The following SGMS1 variants were observed in gnomAD, a reference collection of about 807,000 sequenced individuals.
The protein encoded by SGMS1 is phosphatidylcholine:ceramide cholinephosphotransferase 1.
A neutral mutation model predicts 46.2 loss-of-function variants in SGMS1; 13 were observed. The ratio of observed to expected loss-of-function variants is 0.28; its 90% CI spans 0.18 to 0.45. The LOEUF (loss-of-function observed/expected upper bound fraction) is 0.45, where lower values mean the gene tolerates loss of function less well. Among genes scored for constraint, SGMS1 ranks in the 20% least tolerant of loss-of-function variants. The probability of loss-of-function intolerance (pLI) is 1.00; values close to 1 mark genes in which losing one functional copy is unlikely to be tolerated. For missense variants in SGMS1, 324 were observed against 519.9 expected, an observed-to-expected ratio of 0.62 and a Z score of 3.66; for synonymous variants, 203 against 187.8, an observed-to-expected ratio of 1.08 and a Z score of -0.66.
intron 6 of SGMS1, among the ~76,000 whole-genome samples, chr10:50,374,276 C>T (rs186820084): frequency 1.1e-3 from 170 of 152,292 alleles, no homozygotes; most frequent in African/African-American, 3.6e-3. Flanking sequence ...TAGGTTAAAA[C>T]GTCCAAAACC....
At chr10:50,413,462 G>A (rs915042961) in intron 6 of SGMS1, among the ~76,000 whole-genome samples, 1 of 152,190 alleles carries the variant, frequency 6.6e-6, no homozygotes, top group Non-Finnish European at 1.5e-5. Flanking sequence ...GCAAAGATTG[G>A]CATTCAAATG....
chr10:50,383,567 A>G (rs1328665621), intron 6 of SGMS1, among the ~76,000 whole-genome samples: 1 of 152,160 alleles, frequency 6.6e-6, no homozygotes, highest in East Asian at 1.9e-4. Flanking sequence ...TAATCTGGAG[A>G]CCCAGGATGT....
At chr10:50,521,784 A>T (rs886811558) in intron 2 of SGMS1, among the ~76,000 whole-genome samples, 7 of 152,168 alleles carry the variant, frequency 4.6e-5, no homozygotes, top group African/African-American at 1.7e-4. Flanking sequence ...TACAAAAGTG[A>T]TATTTTCTTC....
chr10:50,613,892 C>T (rs1235471195), intron 1 of SGMS1, among the ~76,000 whole-genome samples: 1 of 152,212 alleles, frequency 6.6e-6, no homozygotes, highest in Non-Finnish European at 1.5e-5. Context: ...AGGTGCTGTA[C>T]TAAGCTTGGT....
intron 5 of SGMS1, chr10:50,460,019 A>G (rs1301741225): frequency 1.3e-5 from 2 of 152,216 alleles, no homozygotes; most frequent in African/African-American, 4.8e-5. Context: ...GTGACATATG[A>G]CAATAACACA....
chr10:50,563,729 C>T (rs1333158886), intron 2 of SGMS1, among the ~76,000 whole-genome samples: 2 of 114,070 alleles, frequency 1.8e-5, no homozygotes, highest in Non-Finnish European at 3.3e-5. Flanking sequence ...GGCGACAGAG[C>T]GAGACTCCGT....
At chr10:50,448,414 T>G (rs554153599) in intron 5 of SGMS1, among the ~76,000 whole-genome samples, 27 of 152,200 alleles carry the variant, frequency 1.8e-4, no homozygotes, top group African/African-American at 5.8e-4. Context: ...GAAAACTCTA[T>G]TGCACACTAG....
chr10:50,533,609 C>T (rs994119152), intron 2 of SGMS1, among the ~76,000 whole-genome samples: 4 of 152,032 alleles, frequency 2.6e-5, no homozygotes, highest in Non-Finnish European at 4.4e-5. Context: ...CGATGTTTTG[C>T]TTTATCTCTT....
intron 6 of SGMS1, among the ~76,000 whole-genome samples, chr10:50,367,216 T>C (rs1205094725): frequency 6.6e-6 from 1 of 152,084 alleles, no homozygotes; most frequent in Non-Finnish European, 1.5e-5. Context: ...CTTATAAAAA[T>C]AAATTGGAGT....
intron 8 of SGMS1, among the ~76,000 whole-genome samples, chr10:50,323,487 T>C (rs1273006838): frequency 2.0e-5 from 3 of 152,138 alleles, no homozygotes; most frequent in African/African-American, 4.8e-5. Context: ...GGAAGCACTG[T>C]GCTTTCTGTA....
chr10:50,376,497 T>C (rs1848523515), intron 6 of SGMS1, among the ~76,000 whole-genome samples: 1 of 152,190 alleles, frequency 6.6e-6, no homozygotes. Flanking sequence ...ATTTGTTACA[T>C]ATGTATACAC....
intron 2 of SGMS1, among the ~76,000 whole-genome samples, chr10:50,580,872 T>A (rs1040066588): frequency 6.6e-6 from 1 of 152,068 alleles, no homozygotes; most frequent in Non-Finnish European, 1.5e-5. Flanking sequence ...TTAACACGAG[T>A]CAACCATACA....
At chr10:50,497,771 G>A (rs1199006824) in intron 3 of SGMS1, among the ~76,000 whole-genome samples, 1 of 151,874 alleles carries the variant, frequency 6.6e-6, no homozygotes, top group South Asian at 2.1e-4. Context: ...TCCAGCCTGG[G>A]CAACAACAGC....
At chr10:50,520,336 G>A (rs186055208) in intron 2 of SGMS1, among the ~76,000 whole-genome samples, 7 of 152,074 alleles carry the variant, frequency 4.6e-5, no homozygotes, top group Admixed American at 2.0e-4. Context: ...GCTGCAGTGC[G>A]CCGTGATTGC....
chr10:50,450,631 G>T (rs1837094401), intron 5 of SGMS1, among the ~76,000 whole-genome samples: 1 of 151,972 alleles, frequency 6.6e-6, no homozygotes, highest in South Asian at 2.1e-4. Context: ...AGTTCAGGAA[G>T]AAATAAATAT....
chr10:50,426,900 A>G (rs1329607521), intron 6 of SGMS1, among the ~76,000 whole-genome samples: 1 of 152,224 alleles, frequency 6.6e-6, no homozygotes, highest in Non-Finnish European at 1.5e-5. Context: ...AACAACTCCA[A>G]ATTATTCCAA....
intron 1 of SGMS1, among the ~76,000 whole-genome samples, chr10:50,613,908 T>G (rs1019551201): frequency 6.6e-6 from 1 of 152,196 alleles, no homozygotes; most frequent in South Asian, 2.1e-4. Flanking sequence ...TTGGTACACA[T>G]TGTAGCTATG....
In SGMS1 at chr10:50,623,755, G is replaced by A. The variant is rs980184874; in HGVS notation, c.-732C>T. 4 of 985,302 alleles carry A rather than the reference G, an allele frequency of 4.1e-6. No homozygotes were observed. Among genetic ancestry groups the A allele is most frequent in the African/African-American group, 1.7e-5 (1 of 57,238 alleles). The allele number at this position is 985,302 out of a possible 1,614,324, so 61.0% of individuals were successfully genotyped here. On this transcript the variant is annotated 5_prime_UTR_variant, in exon 1 of 11. Transcript: ENST00000361781. ...CCGGAATTCCGCTCGCGGAGCCCCC[G>A]CCGCGGAATGAAATCCGGGGCAGGG...
chr10:50,606,224 C>T (rs1025242028), intron 1 of SGMS1, among the ~76,000 whole-genome samples: 1 of 152,148 alleles, frequency 6.6e-6, no homozygotes, highest in South Asian at 2.1e-4. Context: ...GTAAATCAAG[C>T]CAAATACTAA....
Sources: gnomAD v4.1 joint callset for allele counts (sites outside exome capture counted in the v4.1 genomes callset) on GRCh38, gnomAD v4.1.1 for gene constraint, MANE v1.5 for transcripts, NCBI Gene and HGNC (gene_info 2026-07-23, HGNC 2026-07-21) for gene names.